SLC44A3: variants seen among roughly 807,000 people sequenced by gnomAD.
SLC44A3 encodes solute carrier family 44 member 3, also known as choline transporter-like protein 3.
Under a neutral mutation model 75.4 loss-of-function variants are expected in SLC44A3, and 74 were observed. The ratio of observed to expected loss-of-function variants is 0.98; its 90% CI spans 0.81 to 1.19. SLC44A3 has a LOEUF of 1.19. Ranked by LOEUF, SLC44A3 falls within the 50% of genes most tolerant of loss-of-function variation. The pLI is 0.00. For synonymous variants in SLC44A3, 310 were observed against 296.9 expected (o/e 1.04, Z -0.45); for missense variants, 700 against 778.6 (o/e 0.90, Z 1.20).
At chr1:94,866,194 G>C (rs976148232) in intron 11 of SLC44A3, among the ~76,000 whole-genome samples, 1 of 152,174 alleles carries the variant, frequency 6.6e-6, no homozygotes, top group Non-Finnish European at 1.5e-5. Flanking sequence ...TGATATGTGT[G>C]TGTGCGCATT....
In SLC44A3 at chr1:94,895,028, G is replaced by C; in HGVS notation, c.*106G>C. 1 of 779,914 alleles carries C rather than the reference G, an allele frequency of 1.3e-6. No homozygotes were observed. Among genetic ancestry groups the C allele is most frequent in the Non-Finnish European group, 2.1e-6 (1 of 485,292 alleles). The allele number at this position is 779,914 out of a possible 1,614,324, so 48.3% of individuals were successfully genotyped here. On this transcript the variant is annotated 3_prime_UTR_variant, in exon 15 of 15. Coordinates refer to ENST00000271227, the MANE Select transcript of SLC44A3 (RefSeq NM_001114106.3). ...AAAGTTAGTGAATTTTTTTTTAAAA[G>C]ACCTAATAAACCCTATTCTTCCTCA...
chr1:94,878,782 G>A (rs1668608029), intron 12 of SLC44A3, among the ~76,000 whole-genome samples: 1 of 152,210 alleles, frequency 6.6e-6, no homozygotes, highest in African/African-American at 2.4e-5. Context: ...ATAATGCCTT[G>A]CATATGTGGC....
In SLC44A3 at chr1:94,828,597, C is replaced by T; in HGVS notation, c.509+11C>T. 6.2e-7 allele frequency: 1 copy of T among 1,612,220 alleles called. No individual in the cohort carries two copies. The highest frequency in any genetic ancestry group is 8.5e-7 in the Non-Finnish European group (1 of 1,178,630). On this transcript the variant is annotated intron_variant, in intron 5 of 14. Transcript: ENST00000271227. ...ACCAGTTCCTCCAAGGTAAAAGCTT[C>T]CATACTTTTTCCTTAACTCTAAACA... is the stretch of plus-strand genomic sequence containing the variant.
At chr1:94,892,813 GTAGTTCAGCTCCCT>G (rs1336878678) in intron 14 of SLC44A3, among the ~76,000 whole-genome samples, 1 of 152,214 alleles carries the variant, frequency 6.6e-6, no homozygotes, top group African/African-American at 2.4e-5. Context: ...CCTGAACACA[GTAGTTCAGCTCCCT>G]TTGGTGCTCA....
chr1:94,885,071 C>A (rs537268082), intron 12 of SLC44A3, among the ~76,000 whole-genome samples: 2 of 152,072 alleles, frequency 1.3e-5, no homozygotes, highest in East Asian at 1.9e-4. Context: ...CATGGTGAAA[C>A]CCTGTCTCTA....
intron 8 of SLC44A3, among the ~76,000 whole-genome samples, chr1:94,843,880 G>A (rs74101569): frequency 6.6e-6 from 1 of 151,550 alleles, no homozygotes; most frequent in Non-Finnish European, 1.5e-5. Context: ...GGGCGGGGTG[G>A]GGGGGGTGGT....
chr1:94,836,437 A>G (rs1393660005), intron 5 of SLC44A3, among the ~76,000 whole-genome samples: 4 of 152,206 alleles, frequency 2.6e-5, no homozygotes, highest in Non-Finnish European at 5.9e-5. Flanking sequence ...TTGAGCACCC[A>G]CTGTTCATAG....
intron 12 of SLC44A3, among the ~76,000 whole-genome samples, chr1:94,885,028 A>G (rs1042018967): frequency 1.3e-5 from 2 of 152,024 alleles, no homozygotes; most frequent in African/African-American, 4.8e-5. Flanking sequence ...GGCAGATCAC[A>G]TGAGGTCAGG....
intron 10 of SLC44A3, among the ~76,000 whole-genome samples, chr1:94,863,461 G>A (rs1174468386): frequency 1.3e-5 from 2 of 151,888 alleles, no homozygotes; most frequent in East Asian, 3.9e-4. Flanking sequence ...TCTTCTCCCT[G>A]CCTCCCCTCT....
rs186309412 is a variant in SLC44A3, at chr1:94,863,893, A to G, written c.1239-850A>G. Among the ~76,000 whole-genome samples, 123 of 152,366 alleles carry G rather than the reference A, an allele frequency of 8.1e-4. 1 individual carries two copies. The highest frequency in any genetic ancestry group is 2.8e-3 in the African/African-American group (118 of 41,586). On this transcript the variant is annotated intron_variant, in intron 10 of 14. Coordinates refer to ENST00000271227, the MANE Select transcript of SLC44A3 (RefSeq NM_001114106.3). ...AATTCATAGTGACTTATTAGCAACC[A>G]GAGCAAGTTGTAGAATAATCCATTA...
At chr1:94,834,181 A>G (rs1228683126) in intron 5 of SLC44A3, among the ~76,000 whole-genome samples, 1 of 152,038 alleles carries the variant, frequency 6.6e-6, no homozygotes, top group African/African-American at 2.4e-5. Context: ...TACCCAGATC[A>G]TGGTTTCTAA....
rs547531721 is a variant in SLC44A3, at chr1:94,827,551, C to T, written c.323C>T (p.Thr108Met). The change falls in exon 4 of 15, where the codon ACG (threonine) becomes ATG (methionine). Residue 108 changes from threonine (T) to methionine (M), a missense_variant. Thr to Met is a moderately conservative substitution (Grantham distance 81). Coordinates refer to ENST00000271227, the MANE Select transcript of SLC44A3 (RefSeq NM_001114106.3). ...TCCTGCAACCTGGAAGTCAAAGGTA[C>T]GCAGCTCAACCGCATGGCCCTCTGT... Reference protein sequence around the residue: ...MNSCNLEVKGTQLNRMALCVS... With the variant: ...MNSCNLEVKGMQLNRMALCVS... 2.2e-5 allele frequency: 35 copies of T among 1,614,148 alleles called. No homozygotes were observed. The highest frequency in any genetic ancestry group is 1.2e-4 in the Admixed American group (7 of 60,014).
chr1:94,871,158 G>C (rs562813798), intron 12 of SLC44A3, among the ~76,000 whole-genome samples: 2 of 152,180 alleles, frequency 1.3e-5, no homozygotes, highest in South Asian at 2.1e-4. Flanking sequence ...CCACCACCTG[G>C]GGATGTGAGC....
intron 9 of SLC44A3, among the ~76,000 whole-genome samples, chr1:94,848,768 G>A (rs1303618860): frequency 6.6e-6 from 1 of 152,068 alleles, no homozygotes; most frequent in Admixed American, 6.5e-5. Context: ...ACGTGTGATC[G>A]CAGTGAAGAT....
intron 12 of SLC44A3, among the ~76,000 whole-genome samples, chr1:94,882,314 C>T (rs1669094256): frequency 6.6e-6 from 1 of 152,112 alleles, no homozygotes; most frequent in Non-Finnish European, 1.5e-5. Flanking sequence ...AGTTCCTTGC[C>T]AAGGATAAGT....
intron 12 of SLC44A3, among the ~76,000 whole-genome samples, chr1:94,887,066 C>G (rs1471105406): frequency 2.6e-5 from 4 of 151,936 alleles, no homozygotes; most frequent in Non-Finnish European, 4.4e-5. Context: ...CTTCCACAAC[C>G]AATAAAACGT....
intron 12 of SLC44A3, among the ~76,000 whole-genome samples, chr1:94,868,781 C>T (rs1211354344): frequency 6.6e-6 from 1 of 152,234 alleles, no homozygotes; most frequent in Non-Finnish European, 1.5e-5. Context: ...AATATGTTGG[C>T]CATATGGCCC....
chr1:94,892,227 A>G, intron 13 of SLC44A3, 54 bp from the exon 14 acceptor site: 1 of 1,525,464 alleles, frequency 6.6e-7, no homozygotes, highest in Non-Finnish European at 9.0e-7. Context: ...AACTGACAAA[A>G]ACATCTAAGC....
At chr1:94,820,641 C>A in intron 1 of SLC44A3, 163 bp downstream of exon 1, 2 of 1,384,728 alleles carry the variant, frequency 1.4e-6, no homozygotes, top group Non-Finnish European at 9.3e-7. Context: ...GGAACCTGGA[C>A]CCTGCTCCAG....
Sources: gnomAD v4.1 joint callset for allele counts (sites outside exome capture counted in the v4.1 genomes callset) on GRCh38, gnomAD v4.1.1 for gene constraint, MANE v1.5 for transcripts, NCBI Gene and HGNC (gene_info 2026-07-23, HGNC 2026-07-21) for gene names.